Variants in HRG observed in about 807,000 individuals in gnomAD.
HRG encodes the protein histidine rich glycoprotein.
HRG carries 26 observed loss-of-function variants against 29.5 expected under a neutral mutation model. That is an observed-to-expected ratio of 0.88 (90% CI 0.65 to 1.22). The LOEUF (loss-of-function observed/expected upper bound fraction) is 1.22, where lower values mean the gene tolerates loss of function less well. HRG is among the 50% of genes most tolerant of loss of function. The probability of loss-of-function intolerance (pLI) is 0.00; values close to 1 mark genes in which losing one functional copy is unlikely to be tolerated. For synonymous variants in HRG, 243 were observed against 240.4 expected, an observed-to-expected ratio of 1.01 and a Z score of -0.10; for missense variants, 671 against 654.5, an observed-to-expected ratio of 1.03 and a Z score of -0.28.
intron 1 of HRG, among the ~76,000 whole-genome samples, chr3:186,668,351 G>A (rs1297497737): frequency 6.6e-6 from 1 of 152,190 alleles, no homozygotes; most frequent in Non-Finnish European, 1.5e-5. Context: ...ACGTTGCCAA[G>A]AAAGACCATT....
chr3:186,677,391 C>T lies in HRG; in HGVS notation c.1086C>T (p.His362=), dbSNP rs7629680. Residue 362 remains histidine, a synonymous_variant, in exon 7 of 7, where the codon CAC becomes CAT. Coordinates refer to ENST00000232003, the MANE Select transcript of HRG (RefSeq NM_000412.5). ...HKHHSHEQHP[H]GHHPHAHHPH... is the part of the protein sequence containing the mutation. The stretch of plus-strand genomic sequence containing the variant: ...ATCATTCCCATGAACAGCATCCCCA[C>T]GGACACCATCCCCATGCACACCATC... 2.9e-4 allele frequency: 475 copies of T among 1,612,444 alleles called. 3 individuals carry two copies. The African/African-American group carries it at 5.5e-3, about 19-fold the overall frequency.
chr3:186,668,317 G>C (rs981363538), intron 1 of HRG, among the ~76,000 whole-genome samples: 5 of 152,166 alleles, frequency 3.3e-5, no homozygotes, highest in Admixed American at 3.3e-4. Flanking sequence ...TCAGGGCAAT[G>C]AGACTGAGGA....
chr3:186,666,161 G>T lies in HRG; in HGVS notation c.130G>T (p.Asp44Tyr), dbSNP rs1417069574. The change falls in exon 1 of 7, where the codon GAT becomes TAT. Residue 44 changes from aspartate (D) to tyrosine (Y), a missense_variant. By Grantham distance (160) the Asp-to-Tyr change is radical. Transcript: ENST00000232003. ...ALDLINKRRRDGYLFQLLRIA... is the reference protein window; with the variant it reads ...ALDLINKRRRYGYLFQLLRIA... ...AGACCTGATCAATAAAAGGCGACGG[G>T]ATGGCTACCTTTTCCAATTGCTGCG... 6.2e-7 allele frequency: 1 copy of T among 1,614,194 alleles called. No homozygotes were observed. Among genetic ancestry groups the T allele is most frequent in the East Asian group, 2.2e-5 (1 of 44,888 alleles).
rs1316244341 is a variant in HRG, at chr3:186,668,926, A to G, written c.184-9A>G. The G allele has an allele frequency of 2.0e-6, 3 of 1,506,858 alleles. No individual in the cohort carries two copies. Among genetic ancestry groups the G allele is most frequent in the Non-Finnish European group, 2.8e-6 (3 of 1,082,216 alleles). The allele number at this position is 1,506,858 out of a possible 1,614,324, so 93.3% of individuals were successfully genotyped here. A position where few individuals can be genotyped will look rare whatever the true frequency, so the allele number is the denominator to read the frequency against. On this transcript the variant is annotated splice_polypyrimidine_tract_variant and intron_variant, in intron 1 of 6. Coordinates refer to ENST00000232003, the MANE Select transcript of HRG (RefSeq NM_000412.5). ...GTGCTACTCACATGTTGCTTTTGGC[A>G]TTCCTCAGGAAAATACAACTGTATA... is the stretch of plus-strand genomic sequence containing the variant.
intron 1 of HRG, 173 bp from the exon 2 acceptor site, chr3:186,668,762 T>C (rs1053012791): frequency 2.0e-5 from 12 of 597,888 alleles, no homozygotes; most frequent in African/African-American, 1.7e-4. Flanking sequence ...AAATAACTCA[T>C]TGAAGCTATG....
chr3:186,677,669 T>C lies in HRG; in HGVS notation c.1364T>C (p.Ile455Thr). Residue 455 changes from isoleucine (I) to threonine (T), a missense_variant, in exon 7 of 7, where the codon ATT (isoleucine) becomes ACT (threonine). Physicochemically the swap from Ile to Thr is moderately conservative, Grantham distance 89 (BLOSUM62 -1). Transcript: ENST00000232003. Reference sequence around the variant, plus strand: ...CCCCGTCCCTTCCATTGCAGACAAATTGGATCTGTGTACCGACTCCCTCCT... The same window carrying C: ...CCCCGTCCCTTCCATTGCAGACAAACTGGATCTGTGTACCGACTCCCTCCT... ...KGPRPFHCRQ[I>T]GSVYRLPPLR... 1 of 1,613,912 alleles carries C rather than the reference T, an allele frequency of 6.2e-7. No homozygotes were observed. Among genetic ancestry groups the C allele is most frequent in the South Asian group, 1.1e-5 (1 of 91,074 alleles).
chr3:186,677,490 C>CCCCCATGGACACCAT lies in HRG; in HGVS notation c.1206_1220dup (p.Gly403_His407dup), dbSNP rs748514609. On this transcript the variant is annotated inframe_insertion, in exon 7 of 7. Transcript: ENST00000232003. ...ATGGACACCATCCTCATGGACACCACCCCCATGGACACCATCCCCATGGAC... is the reference window on the plus strand; with the variant it reads ...ATGGACACCATCCTCATGGACACCACCCCCATGGACACCATCCCCATGGACACCATCCCCATGGAC... The CCCCCATGGACACCAT allele has an allele frequency of 1.3e-5, 20 of 1,596,480 alleles. No homozygotes were observed. In the Admixed American group the frequency reaches 3.5e-4, roughly 28 times the overall value.
chr3:186,675,300 T>TGAGAGAGAGAGAGAGAGAGAGAGAGAGA (rs1367965463), intron 6 of HRG, 110 bp downstream of exon 6: 2 of 582,034 alleles, frequency 3.4e-6, no homozygotes, highest in African/African-American at 2.3e-5. Context: ...TGTGTGTGTG[T>TGAGAGAGAGAGAGAGAGAGAGAGAGAGA]GTGTGTGTGA....
chr3:186,671,676 G>A lies in HRG; in HGVS notation c.445G>A (p.Glu149Lys). The A allele has an allele frequency of 6.2e-6, 10 of 1,614,018 alleles. No homozygotes were observed. The highest frequency in any genetic ancestry group is 8.5e-6 in the Non-Finnish European group (10 of 1,179,940). Residue 149 changes from glutamate to lysine, a missense_variant, in exon 4 of 7, where the codon GAG becomes AAG. Glu to Lys is a moderately conservative substitution (Grantham distance 56). Coordinates refer to ENST00000232003, the MANE Select transcript of HRG (RefSeq NM_000412.5). ...TAGTCCGGTCCTCATAGATTTCTTT[G>A]AGGATACTGAGCGCTACAGAAAACA... ...KDSPVLIDFF[E>K]DTERYRKQAN...
Position 186,669,859 on chromosome 3 carries a change from CT to C in HRG, c.301-74del, listed in dbSNP as rs1267108489. 3.8e-6 allele frequency: 3 copies of C among 789,998 alleles called. No individual in the cohort carries two copies. The Admixed American group carries it at 5.1e-5, about 13-fold the overall frequency. 48.9% of individuals were successfully genotyped at this position (789,998 alleles called of 1,614,324 possible). On this transcript the variant is annotated intron_variant, in intron 2 of 6. Coordinates refer to ENST00000232003, the MANE Select transcript of HRG (RefSeq NM_000412.5). ...GAACAGTAGGAGGATGTTGCATCAC[CT>C]TTTTGCTCTTTCATATCTGACCTGA... is the stretch of plus-strand genomic sequence containing the variant.
intron 6 of HRG, among the ~76,000 whole-genome samples, chr3:186,675,865 CTTTTT>C (rs56248425): frequency 1.0e-5 from 1 of 97,104 alleles, no homozygotes. Context: ...ATGGCTCTGT[CTTTTT>C]TTTTTTTTTT....
chr3:186,668,860 T>C, intron 1 of HRG, 75 bp from the exon 2 acceptor site: 1 of 746,700 alleles, frequency 1.3e-6, no homozygotes, highest in Admixed American at 2.0e-5. Context: ...GTAATAAATA[T>C]ATAGCTTTAA....
intron 4 of HRG, 45 bp downstream of exon 4, chr3:186,671,834 C>G (rs762433108): frequency 5.1e-6 from 8 of 1,558,696 alleles, no homozygotes; most frequent in Non-Finnish European, 7.1e-6. Flanking sequence ...GGCCCAGGCT[C>G]CAACCTGGCA....
intron 5 of HRG, chr3:186,674,739 A>T (rs924521155): frequency 4.0e-5 from 14 of 352,520 alleles, no homozygotes; most frequent in Admixed American, 3.5e-4. Context: ...ACCATTCCTC[A>T]TTGTCCTAGG....
chr3:186,675,255 T>A, intron 6 of HRG, 65 bp downstream of exon 6: 1 of 950,508 alleles, frequency 1.1e-6, no homozygotes, highest in Non-Finnish European at 1.7e-6. Flanking sequence ...ACACAAATAG[T>A]GTTGTTGCTT....
chr3:186,672,937 GAGA>G (rs1718852060), intron 5 of HRG, 70 bp downstream of exon 5: 2 of 963,118 alleles, frequency 2.1e-6, no homozygotes, highest in South Asian at 2.6e-5. Context: ...GAAGGAGAAG[GAGA>G]AGGAGAAGGA....
chr3:186,676,300 G>A (rs1313411001), intron 6 of HRG, among the ~76,000 whole-genome samples: 2 of 151,966 alleles, frequency 1.3e-5, no homozygotes, highest in Non-Finnish European at 1.5e-5. Flanking sequence ...TAAGGCACTA[G>A]TTTTCCAGTG....
At position 186,672,849 on chromosome 3, in the gene HRG, T is replaced by C; in HGVS notation, c.621T>C (p.His207=). 6.2e-7 allele frequency: 1 copy of C among 1,609,372 alleles called. No individual in the cohort carries two copies. Among genetic ancestry groups the C allele is most frequent in the Non-Finnish European group, 8.5e-7 (1 of 1,175,802 alleles). Residue 207 remains histidine, a synonymous_variant, in exon 5 of 7, where the codon CAT becomes CAC. Transcript: ENST00000232003. ...CTGTGCGGAACTGCCCCAGACACCA[T>C]TTCCCCAGACACCCCAATGTGAGTA... ...DFSVRNCPRH[H]FPRHPNVFGF...
intron 3 of HRG, among the ~76,000 whole-genome samples, chr3:186,671,260 TATG>T (rs1718780082): frequency 6.9e-6 from 1 of 145,750 alleles, no homozygotes; most frequent in African/African-American, 2.5e-5. Flanking sequence ...TATAAAAACA[TATG>T]ATATATTATA....
Sources: allele counts gnomAD v4.1 joint callset (sites outside exome capture counted in the v4.1 genomes callset), GRCh38; gene constraint gnomAD v4.1.1; transcripts MANE v1.5; gene names NCBI Gene and HGNC (gene_info 2026-07-23, HGNC 2026-07-21).